Variants in JAM3 observed in about 807,000 individuals in gnomAD.
JAM3 encodes junctional adhesion molecule C.
JAM3 carries 31 observed loss-of-function variants against 39.4 expected under a neutral mutation model. The observed-to-expected ratio is 0.79, with a 90% CI of 0.59 to 1.06. JAM3 has a LOEUF of 1.06. Among genes scored for constraint, JAM3 ranks in the 50% least tolerant of loss-of-function variants. The pLI, the probability that JAM3 is intolerant of heterozygous loss-of-function variation, is 0.00. For missense variants in JAM3, 455 were observed against 391.4 expected, an observed-to-expected ratio of 1.16 and a Z score of -1.37; for synonymous variants, 182 against 148.7, an observed-to-expected ratio of 1.22 and a Z score of -1.63.
chr11:134,143,034 A>T (rs750028919), intron 3 of JAM3, among the ~76,000 whole-genome samples: 52 of 152,264 alleles, frequency 3.4e-4, no homozygotes, highest in Middle Eastern at 6.8e-3. Flanking sequence ...TTTGGCTATT[A>T]TCAGTAATGC....
chr11:134,111,057 GAATT>G (rs966401145), intron 1 of JAM3, among the ~76,000 whole-genome samples: 21 of 145,124 alleles, frequency 1.4e-4, no homozygotes, highest in African/African-American at 2.3e-4. Flanking sequence ...ATGAATCCTT[GAATT>G]AATTCTTTGT....
chr11:134,108,735 T>C (rs1464077964), intron 1 of JAM3, among the ~76,000 whole-genome samples: 1 of 152,026 alleles, frequency 6.6e-6, no homozygotes, highest in Non-Finnish European at 1.5e-5. Flanking sequence ...CTTGACAAAA[T>C]TCAACATCCA....
intron 1 of JAM3, among the ~76,000 whole-genome samples, chr11:134,134,325 A>G (rs938881187): frequency 3.5e-5 from 5 of 144,898 alleles, no homozygotes; most frequent in Non-Finnish European, 7.5e-5. Flanking sequence ...ATGACTGAGA[A>G]TTTCCCCAAA....
chr11:134,146,175 T>A, intron 6 of JAM3, 130 bp downstream of exon 6: 1 of 736,352 alleles, frequency 1.4e-6, no homozygotes, highest in East Asian at 2.7e-5. Flanking sequence ...GCTGCCTAGG[T>A]CCACCAGAAC....
At chr11:134,104,310 G>A (rs994379399) in intron 1 of JAM3, among the ~76,000 whole-genome samples, 2 of 152,178 alleles carry the variant, frequency 1.3e-5, no homozygotes, top group Non-Finnish European at 2.9e-5. Flanking sequence ...TGAAACCAAT[G>A]AGAACAAAGA....
chr11:134,109,305 A>G (rs928986039), intron 1 of JAM3, among the ~76,000 whole-genome samples: 1 of 152,194 alleles, frequency 6.6e-6, no homozygotes, highest in African/African-American at 2.4e-5. Context: ...AGGTTCTAGC[A>G]GTGCAACCAG....
intron 1 of JAM3, among the ~76,000 whole-genome samples, chr11:134,131,241 C>A (rs563541545): frequency 3.2e-5 from 1 of 30,876 alleles, no homozygotes; most frequent in Non-Finnish European, 6.6e-5. Context: ...TTTGGGGGGG[C>A]GGGGGGGTGG....
rs1943167449 is a variant in JAM3, at chr11:134,150,020, T to G, written c.*839T>G. ...TTGTCATACAATGTTAAATAACCTA[T>G]TTTTTTAAAAAAGTTCAACTTAAGG... On this transcript the variant is annotated 3_prime_UTR_variant, in exon 9 of 9. Transcript: ENST00000299106. 1.3e-5 allele frequency: 2 copies of G among 153,260 alleles called. No individual in the cohort carries two copies. The highest frequency in any genetic ancestry group is 4.8e-5 in the African/African-American group (2 of 41,424). The allele number at this position is 153,260 out of a possible 1,614,324, so 9.5% of individuals were successfully genotyped here.
chr11:134,125,907 C>T (rs952923223), intron 1 of JAM3, among the ~76,000 whole-genome samples: 2 of 152,172 alleles, frequency 1.3e-5, no homozygotes, highest in Non-Finnish European at 2.9e-5. Flanking sequence ...GGTTCATTTT[C>T]CTCTTCAGCA....
intron 1 of JAM3, among the ~76,000 whole-genome samples, chr11:134,130,444 TA>T (rs925564133): frequency 3.4e-5 from 5 of 149,102 alleles, no homozygotes; most frequent in Non-Finnish European, 4.5e-5. Flanking sequence ...TAAGAATTAC[TA>T]AAAAAAAAAT....
chr11:134,074,511 T>G (rs1941533076), intron 1 of JAM3, among the ~76,000 whole-genome samples: 1 of 152,240 alleles, frequency 6.6e-6, no homozygotes, highest in African/African-American at 2.4e-5. Flanking sequence ...AGTTGCTTGA[T>G]AATGTATTGT....
At chr11:134,134,807 G>T (rs1265883928) in intron 1 of JAM3, among the ~76,000 whole-genome samples, 1 of 152,172 alleles carries the variant, frequency 6.6e-6, no homozygotes, top group Non-Finnish European at 1.5e-5. Context: ...TTGGAGGCAT[G>T]TCTATTTGAA....
intron 8 of JAM3, 134 bp downstream of exon 8, chr11:134,148,952 A>G: frequency 1.1e-6 from 1 of 918,266 alleles, no homozygotes; most frequent in Non-Finnish European, 1.7e-6. Context: ...GCCCCTTCAC[A>G]GTAACACACA....
chr11:134,098,509 T>C (rs1420103612), intron 1 of JAM3, among the ~76,000 whole-genome samples: 1 of 152,222 alleles, frequency 6.6e-6, no homozygotes, highest in Non-Finnish European at 1.5e-5. Context: ...AAATAGTATG[T>C]ATCTAAAGTC....
chr11:134,148,701 G>T, intron 7 of JAM3, 25 bp downstream of exon 7: 1 of 1,614,144 alleles, frequency 6.2e-7, no homozygotes. Flanking sequence ...TGTGAAAAAA[G>T]GGAAGTTCAA....
At chr11:134,127,916 ACTCCT>A (rs1360080831) in intron 1 of JAM3, among the ~76,000 whole-genome samples, 1 of 151,810 alleles carries the variant, frequency 6.6e-6, no homozygotes, top group East Asian at 1.9e-4. Flanking sequence ...GGCTCTTCTT[ACTCCT>A]CTCTGCACTG....
Position 134,151,147 on chromosome 11 carries a change from G to C in JAM3, c.*1966G>C, listed in dbSNP as rs1943219319. The stretch of plus-strand genomic sequence containing the variant: ...GAGAATGGCTCTCACTACTCACCTT[G>C]TCTTTCAGCTTCCAGTGTCTTGGGT... On this transcript the variant is annotated 3_prime_UTR_variant, in exon 9 of 9. Coordinates refer to ENST00000299106, the MANE Select transcript of JAM3 (RefSeq NM_032801.5). 6.6e-6 allele frequency: 1 copy of C among 152,286 alleles called. No individual in the cohort carries two copies. The allele number at this position is 152,286 out of a possible 1,614,324, so 9.4% of individuals were successfully genotyped here.
At chr11:134,072,359 G>T (rs1000255123) in intron 1 of JAM3, among the ~76,000 whole-genome samples, 1 of 149,644 alleles carries the variant, frequency 6.7e-6, no homozygotes, top group African/African-American at 2.5e-5. Flanking sequence ...AGTGGCATGA[G>T]CTCAGCTCAC....
intron 4 of JAM3, 93 bp downstream of exon 4, chr11:134,144,486 G>T (rs1453459550): frequency 1.8e-5 from 27 of 1,463,002 alleles, no homozygotes; most frequent in Non-Finnish European, 2.6e-5. Flanking sequence ...CTGTATCCCT[G>T]AGGGCTTCAC....
Sources: allele counts gnomAD v4.1 joint callset (sites outside exome capture counted in the v4.1 genomes callset), GRCh38; gene constraint gnomAD v4.1.1; transcripts MANE v1.5; gene names NCBI Gene and HGNC (gene_info 2026-07-23, HGNC 2026-07-21).